ZNF839: variants seen among roughly 807,000 people sequenced by gnomAD.
ZNF839 encodes the protein zinc finger protein 839.
In ZNF839, 38 loss-of-function variants were observed where a neutral mutation model predicts 56.4. That is an observed-to-expected ratio of 0.67 (90% CI 0.52 to 0.88). The LOEUF (loss-of-function observed/expected upper bound fraction) is 0.88. Ranked by LOEUF, ZNF839 falls within the 40% of genes least tolerant of loss-of-function variation. The pLI, the probability that ZNF839 is intolerant of heterozygous loss-of-function variation, is 0.00. For missense variants in ZNF839, 1,091 were observed against 1,177.6 expected (o/e 0.93, Z 1.08); for synonymous variants, 486 against 493.5 (o/e 0.98, Z 0.20).
At position 102,334,563 on chromosome 14, in the gene ZNF839, C is replaced by T; in HGVS notation, c.1426C>T (p.Gln476Ter). The T allele has an allele frequency of 6.2e-7, 1 of 1,609,876 alleles. No homozygotes were observed. Among genetic ancestry groups the T allele is most frequent in the South Asian group, 1.1e-5 (1 of 89,994 alleles). ...TGCTTTCCCTTGGTAGTTCCTCCAG[C>T]AGTGTGACCGGGAGGATCTGGTGGA... is the stretch of plus-strand genomic sequence containing the variant. ...SKARLKEFLQQCDREDLVELA... is the reference protein window; with the variant it reads ...SKARLKEFLQ Residue 476 changes from glutamine (Q) to a stop codon, truncating the protein, a stop_gained, in exon 4 of 8, where the codon CAG becomes TAG. Coordinates refer to ENST00000442396, the MANE Select transcript of ZNF839 (RefSeq NM_018335.6). LOFTEE classifies it high-confidence loss of function.
In ZNF839 at chr14:102,326,732, G is replaced by A; in HGVS notation, c.1036G>A (p.Val346Met). 1.9e-6 allele frequency: 3 copies of A among 1,613,278 alleles called. No individual in the cohort carries two copies. Among genetic ancestry groups the A allele is most frequent in the South Asian group, 1.1e-5 (1 of 90,928 alleles). The change falls in exon 2 of 8, where the codon GTG (valine) becomes ATG (methionine). Residue 346 changes from valine to methionine, a missense_variant. Val to Met is a conservative substitution (Grantham distance 21). Coordinates refer to ENST00000442396, the MANE Select transcript of ZNF839 (RefSeq NM_018335.6). The surrounding 1 kb of genome is among the most constrained non-coding windows in gnomAD (Gnocchi z 4.3). The stretch of plus-strand genomic sequence containing the variant: ...CCACGGCCAGTTGGACCCCGAGATG[G>A]TGCTGTCTGAGAAAGCCAGTGGAAG... ...PGHGQLDPEM[V>M]LSEKASGSTL...
At position 102,341,888 on chromosome 14, in the gene ZNF839, A is replaced by G. The variant is rs773021984; in HGVS notation, c.2493A>G (p.Leu831=). ...CTCAGCCTGGCCCACATGGATCACT[A>G]TTGACTGAAGGGTGTCTCAGAAGCC... ...PGPQPGPHGS[L]LTEGCLRSLS... is the part of the protein sequence containing the mutation. Residue 831 remains leucine, a synonymous_variant, in exon 8 of 8, where the codon CTA becomes CTG. Coordinates refer to ENST00000442396, the MANE Select transcript of ZNF839 (RefSeq NM_018335.6). 201 of 1,613,866 alleles carry G rather than the reference A, an allele frequency of 1.2e-4. 1 individual carries two copies. The highest frequency in any genetic ancestry group is 6.6e-4 in the South Asian group (60 of 91,086).
intron 4 of ZNF839, 65 bp from the exon 5 acceptor site, chr14:102,335,624 C>T: frequency 6.7e-7 from 1 of 1,487,098 alleles, no homozygotes; most frequent in South Asian, 1.3e-5. Flanking sequence ...TTTAGATTTT[C>T]TTCTGTATTT....
In ZNF839 at chr14:102,332,047, A is replaced by G. The variant is rs1268601426; in HGVS notation, c.1416+201A>G. On this transcript the variant is annotated intron_variant, in intron 3 of 7. Transcript: ENST00000442396. This position sits in a 1 kb window ranked among gnomAD's most constrained non-coding sequence, Gnocchi z 4.9. The stretch of plus-strand genomic sequence containing the variant: ...ACTGTACAGCCTTTGGTGCAGCTCC[A>G]AAAGCTGCTTGACTTGATAAGTTTT... 6.6e-6 allele frequency among the ~76,000 whole-genome samples: 1 copy of G among 152,156 alleles called. No homozygotes were observed. Among genetic ancestry groups the G allele is most frequent in the East Asian group, 1.9e-4 (1 of 5,200 alleles).
intron 1 of ZNF839, among the ~76,000 whole-genome samples, chr14:102,325,405 G>A (rs1256053002): frequency 1.3e-5 from 2 of 151,918 alleles, no homozygotes; most frequent in Non-Finnish European, 2.9e-5. Flanking sequence ...GGGATGGTAA[G>A]TAGTTCCATC....
At chr14:102,317,892 G>A (rs1256194683), upstream of ZNF839, among the ~76,000 whole-genome samples, 1 of 152,188 alleles carries the variant, frequency 6.6e-6, no homozygotes, top group Non-Finnish European at 1.5e-5. Flanking sequence ...CGTTTCTAGG[G>A]TGGTCAGGTG....
At chr14:102,340,024 G>C (rs1312729665) in intron 7 of ZNF839, among the ~76,000 whole-genome samples, 1 of 151,942 alleles carries the variant, frequency 6.6e-6, no homozygotes, top group Non-Finnish European at 1.5e-5. Context: ...CCAGGCTGGA[G>C]TGCAGTGGCA....
intron 1 of ZNF839, 128 bp downstream of exon 1, chr14:102,320,181 GCTT>G: frequency 3.8e-6 from 4 of 1,043,574 alleles, no homozygotes; most frequent in Non-Finnish European, 3.5e-6. Flanking sequence ...CCCAGGCTGA[GCTT>G]CTTAGGGACG....
chr14:102,321,076 C>T (rs1205067287), intron 1 of ZNF839, among the ~76,000 whole-genome samples: 1 of 152,198 alleles, frequency 6.6e-6, no homozygotes, highest in Non-Finnish European at 1.5e-5. Flanking sequence ...GGAGAGTTGT[C>T]TTGCTAAGGT....
At chr14:102,341,158 G>A (rs1886472790) in intron 7 of ZNF839, 165 bp from the exon 8 acceptor site, 1 of 610,366 alleles carries the variant, frequency 1.6e-6, no homozygotes, top group East Asian at 3.1e-5. Context: ...AGAGAATAGG[G>A]ACGTATTTTT....
chr14:102,318,404 G>A (rs188020671), upstream of ZNF839, among the ~76,000 whole-genome samples: 15 of 152,244 alleles, frequency 9.9e-5, no homozygotes, highest in Non-Finnish European at 1.6e-4. Context: ...AGGCCGAGGC[G>A]GGCGGATCAC....
chr14:102,333,539 A>C lies in ZNF839; in HGVS notation c.1417-1015A>C, dbSNP rs999128692. On this transcript the variant is annotated intron_variant, in intron 3 of 7. Coordinates refer to ENST00000442396, the MANE Select transcript of ZNF839 (RefSeq NM_018335.6). The stretch of plus-strand genomic sequence containing the variant: ...TGGCCTCCCAAATTGCAGGGATTAC[A>C]GGCGTGAGCCACTGCGTCTGGCCTT... 2.0e-5 allele frequency among the ~76,000 whole-genome samples: 3 copies of C among 152,166 alleles called. No homozygotes were observed. The South Asian group carries it at 6.2e-4, about 31-fold the overall frequency.
At chr14:102,336,192 CAAA>C (rs200609836) in intron 5 of ZNF839, among the ~76,000 whole-genome samples, 1 of 123,762 alleles carries the variant, frequency 8.1e-6, no homozygotes. Flanking sequence ...AAAACAAAAC[CAAA>C]AAAAAAAAAA....
intron 5 of ZNF839, chr14:102,337,456 A>G (rs777015274): frequency 3.9e-5 from 6 of 152,242 alleles, no homozygotes; most frequent in Non-Finnish European, 5.9e-5. Flanking sequence ...GGCATAAGCC[A>G]CCATGCCCTG....
intron 3 of ZNF839, among the ~76,000 whole-genome samples, chr14:102,334,256 C>T (rs753216262): frequency 1.3e-5 from 2 of 152,350 alleles, no homozygotes; most frequent in East Asian, 1.9e-4. Flanking sequence ...GAGTATGCGG[C>T]GCAGCCTGGG....
At chr14:102,333,669 C>T (rs1321895364) in intron 3 of ZNF839, among the ~76,000 whole-genome samples, 2 of 152,270 alleles carry the variant, frequency 1.3e-5, no homozygotes, top group Admixed American at 1.3e-4. Context: ...ATCTCACCGT[C>T]CTCCTGGTTT....
Position 102,326,122 on chromosome 14 carries a change from G to T in ZNF839, c.426G>T (p.Gly142=). The change falls in exon 2 of 8, where the codon GGG becomes GGT. Residue 142 remains glycine, a synonymous_variant. Transcript: ENST00000442396. The surrounding 1 kb of genome is among the most constrained non-coding windows in gnomAD (Gnocchi z 4.3). ...QLPRGNSCLV[G]LHIASPQLLR... Reference sequence around the variant, plus strand: ...CCCGGGGGAATTCCTGCCTGGTGGGGCTCCATATCGCCAGCCCTCAGCTGC... The same window carrying T: ...CCCGGGGGAATTCCTGCCTGGTGGGTCTCCATATCGCCAGCCCTCAGCTGC... The T allele has an allele frequency of 6.2e-7, 1 of 1,613,894 alleles. No homozygotes were observed. The highest frequency in any genetic ancestry group is 8.5e-7 in the Non-Finnish European group (1 of 1,179,844).
Position 102,326,007 on chromosome 14 carries a change from A to G in ZNF839, c.311A>G (p.Lys104Arg). ...PPQQLEAICV[K>R]VTSGETKGQE... ...AAGCAACTAGAAGCCATTTGTGTCA[A>G]GGTAACGTCTGGAGAAACAAAAGGT... Residue 104 changes from lysine (K) to arginine (R), a missense_variant, in exon 2 of 8, where the codon AAG becomes AGG. By Grantham distance (26) the Lys-to-Arg change is conservative. Around this residue, in one of 3 missense-constraint regions of ZNF839, gnomAD observed 614 missense variants for 629.2 expected, o/e 0.98. Transcript: ENST00000442396. This position sits in a 1 kb window ranked among gnomAD's most constrained non-coding sequence, Gnocchi z 4.3. 6.2e-7 allele frequency: 1 copy of G among 1,612,926 alleles called. No homozygotes were observed. Among genetic ancestry groups the G allele is most frequent in the Non-Finnish European group, 8.5e-7 (1 of 1,179,438 alleles).
In ZNF839 at chr14:102,332,672, G is replaced by A. The variant is rs940868793; in HGVS notation, c.1416+826G>A. Among the ~76,000 whole-genome samples the A allele has an allele frequency of 6.6e-6, 1 of 151,930 alleles. No homozygotes were observed. The highest frequency in any genetic ancestry group is 2.4e-5 in the African/African-American group (1 of 41,402). ...CACCTGTAATCCCAGCACTTTGGGA[G>A]GCCGAGGTGGGCGGATCACCTGAAG... On this transcript the variant is annotated intron_variant, in intron 3 of 7. Coordinates refer to ENST00000442396, the MANE Select transcript of ZNF839 (RefSeq NM_018335.6). This position sits in a 1 kb window ranked among gnomAD's most constrained non-coding sequence, Gnocchi z 4.9.
Sources: gnomAD v4.1 joint callset for allele counts (sites outside exome capture counted in the v4.1 genomes callset) on GRCh38, gnomAD v4.1.1 for gene constraint, gnomAD v4.1.1 regional missense constraint, Gnocchi (gnomAD v3.1) non-coding constraint, MANE v1.5 for transcripts, NCBI Gene and HGNC (gene_info 2026-07-23, HGNC 2026-07-21) for gene names.